Variants in GATAD2A observed in about 807,000 individuals in gnomAD.
The protein encoded by GATAD2A is transcriptional repressor p66-alpha.
A neutral mutation model predicts 68.5 loss-of-function variants in GATAD2A; 12 were observed. That is an observed-to-expected ratio of 0.18 (90% CI 0.11 to 0.28). GATAD2A has a LOEUF of 0.28. Among genes scored for constraint, GATAD2A ranks in the 10% least tolerant of loss-of-function variants. GATAD2A has a pLI of 1.00. For missense variants in GATAD2A, 755 were observed against 868.5 expected, an observed-to-expected ratio of 0.87 and a Z score of 1.64; for synonymous variants, 410 against 375.3, an observed-to-expected ratio of 1.09 and a Z score of -1.07.
At chr19:19,475,069 A>G (rs1393264503) in intron 2 of GATAD2A, among the ~76,000 whole-genome samples, 1 of 152,224 alleles carries the variant, frequency 6.6e-6, no homozygotes, top group African/African-American at 2.4e-5. Flanking sequence ...GGCTGCCTGC[A>G]TACGGGTGGA....
At chr19:19,423,640 G>C (rs1332403306) in intron 1 of GATAD2A, among the ~76,000 whole-genome samples, 7 of 152,242 alleles carry the variant, frequency 4.6e-5, no homozygotes, top group Non-Finnish European at 1.0e-4. Context: ...GTTTGATTTG[G>C]CAGCTGATGG....
rs1233823989 is a variant in GATAD2A, at chr19:19,465,325, C to T, written c.-6-15C>T. 13 of 1,608,060 alleles carry T rather than the reference C, an allele frequency of 8.1e-6. No homozygotes were observed. The Admixed American group carries it at 1.8e-4, about 23-fold the overall frequency. On this transcript the variant is annotated splice_polypyrimidine_tract_variant and intron_variant, in intron 1 of 11. Coordinates refer to ENST00000683918, the MANE Select transcript of GATAD2A (RefSeq NM_001384528.1). ...GCACCCAGTTAAAATGTTGTGTCTT[C>T]TCCTCCCTCCCAAGTTCAGAATGAC... is the stretch of plus-strand genomic sequence containing the variant.
At chr19:19,410,035 T>C (rs1014254755) in intron 1 of GATAD2A, among the ~76,000 whole-genome samples, 4 of 152,214 alleles carry the variant, frequency 2.6e-5, no homozygotes, top group South Asian at 4.2e-4. Context: ...GGGCCCTCAG[T>C]GAGAATGTCA....
At chr19:19,451,115 C>G (rs923508745) in intron 1 of GATAD2A, among the ~76,000 whole-genome samples, 2 of 151,870 alleles carry the variant, frequency 1.3e-5, no homozygotes, top group African/African-American at 4.8e-5. Flanking sequence ...TGGCTTACTC[C>G]TGTAATCCCA....
chr19:19,463,177 C>G (rs960032614), intron 1 of GATAD2A, among the ~76,000 whole-genome samples: 2 of 152,084 alleles, frequency 1.3e-5, no homozygotes, highest in African/African-American at 2.4e-5. Context: ...TGGGAGTGCA[C>G]ATACCTGCTG....
intron 2 of GATAD2A, among the ~76,000 whole-genome samples, chr19:19,475,582 A>G (rs1172859379): frequency 3.3e-5 from 5 of 152,024 alleles, no homozygotes; most frequent in African/African-American, 9.7e-5. Context: ...GGCAACTTCC[A>G]GGAGAGGCTG....
chr19:19,496,621 G>A (rs1318725037), intron 7 of GATAD2A, among the ~76,000 whole-genome samples: 2 of 152,208 alleles, frequency 1.3e-5, no homozygotes, highest in Non-Finnish European at 2.9e-5. Context: ...AGCCCATGCC[G>A]CCCTCCCGGC....
chr19:19,388,750 C>G (rs1365472964), intron 1 of GATAD2A, among the ~76,000 whole-genome samples: 1 of 152,022 alleles, frequency 6.6e-6, no homozygotes, highest in Non-Finnish European at 1.5e-5. Flanking sequence ...CAGTCCTCCC[C>G]CTGCATAGTA....
chr19:19,491,686 G>T (rs2059801069), intron 2 of GATAD2A, among the ~76,000 whole-genome samples: 1 of 152,240 alleles, frequency 6.6e-6, no homozygotes. Flanking sequence ...GGGCCATCTA[G>T]CACCTGGTGC....
At chr19:19,451,297 C>A (rs1006302839) in intron 1 of GATAD2A, among the ~76,000 whole-genome samples, 5 of 152,056 alleles carry the variant, frequency 3.3e-5, no homozygotes, top group African/African-American at 1.2e-4. Flanking sequence ...AGGGGAATCA[C>A]TTGAACCCAG....
intron 1 of GATAD2A, chr19:19,457,318 C>A: frequency 1.3e-6 from 1 of 778,196 alleles, no homozygotes; most frequent in Non-Finnish European, 1.6e-6. Flanking sequence ...TAGCCCCAGG[C>A]AGGGCAAGTC....
intron 1 of GATAD2A, among the ~76,000 whole-genome samples, chr19:19,453,416 T>A (rs1328561823): frequency 6.6e-6 from 1 of 152,222 alleles, no homozygotes; most frequent in East Asian, 1.9e-4. Context: ...ATAGCACTTT[T>A]TGAAACTAAA....
chr19:19,481,980 G>T (rs1038942255), intron 2 of GATAD2A, among the ~76,000 whole-genome samples: 2 of 152,156 alleles, frequency 1.3e-5, no homozygotes, highest in Non-Finnish European at 2.9e-5. Flanking sequence ...GGTGGCTCGT[G>T]CCTGTAGTCC....
At chr19:19,462,152 TC>T (rs1167521811) in intron 1 of GATAD2A, among the ~76,000 whole-genome samples, 6 of 152,236 alleles carry the variant, frequency 3.9e-5, no homozygotes, top group Admixed American at 3.9e-4. Flanking sequence ...TGTCGCGCTT[TC>T]TTCTTCCTGA....
At chr19:19,502,830 TCA>T (rs1310687854) in intron 11 of GATAD2A, among the ~76,000 whole-genome samples, 1 of 152,252 alleles carries the variant, frequency 6.6e-6, no homozygotes, top group Non-Finnish European at 1.5e-5. Context: ...TGGACTCTTG[TCA>T]GCACACACCC....
chr19:19,396,419 C>T (rs796808417), intron 1 of GATAD2A, among the ~76,000 whole-genome samples: 1 of 152,318 alleles, frequency 6.6e-6, no homozygotes, highest in African/African-American at 2.4e-5. Context: ...CCAGTTGACA[C>T]TGGGCCAATA....
At chr19:19,464,667 T>C (rs1020838410) in intron 1 of GATAD2A, 2 of 152,388 alleles carry the variant, frequency 1.3e-5, no homozygotes, top group African/African-American at 4.8e-5. Flanking sequence ...TTTTCTTTCT[T>C]CTTTAAATCA....
At chr19:19,461,908 C>T (rs2057461816) in intron 1 of GATAD2A, among the ~76,000 whole-genome samples, 1 of 151,992 alleles carries the variant, frequency 6.6e-6, no homozygotes, top group South Asian at 2.1e-4. Flanking sequence ...TCTGTGCAGG[C>T]AGCAGCCGGC....
chr19:19,484,623 C>T (rs549050382), intron 2 of GATAD2A, among the ~76,000 whole-genome samples: 1 of 151,062 alleles, frequency 6.6e-6, no homozygotes, highest in African/African-American at 2.4e-5. Flanking sequence ...GGCTCTGCCC[C>T]CCGGGGTTCA....
Sources: gnomAD v4.1 joint callset for allele counts (sites outside exome capture counted in the v4.1 genomes callset) on GRCh38, gnomAD v4.1.1 for gene constraint, MANE v1.5 for transcripts, NCBI Gene and HGNC (gene_info 2026-07-23, HGNC 2026-07-21) for gene names.